BMPER: variants seen among roughly 807,000 people sequenced by gnomAD.
BMPER encodes BMP binding endothelial regulator.
Under a neutral mutation model 87.3 loss-of-function variants are expected in BMPER, and 45 were observed. The ratio of observed to expected loss-of-function variants is 0.52; its 90% CI spans 0.41 to 0.66. The LOEUF is 0.66. Ranked by LOEUF, BMPER falls within the 30% of genes least tolerant of loss-of-function variation. The pLI, the probability that BMPER is intolerant of heterozygous loss-of-function variation, is 0.00. For missense variants in BMPER, 784 were observed against 867.5 expected (o/e 0.90, Z 1.21); for synonymous variants, 326 against 316.2 (o/e 1.03, Z -0.33).
chr7:34,056,539 G>A lies in BMPER; in HGVS notation c.927+1236G>A, dbSNP rs148425263. On this transcript the variant is annotated intron_variant, in intron 9 of 14. Coordinates refer to ENST00000649409, the MANE Select transcript of BMPER (RefSeq NM_001365308.1). ...TCATATGTCCTCTTGATATAAAGTCGCCTCCTCCTCTGTCTCCAGAACACC... is the reference window on the plus strand; with the variant it reads ...TCATATGTCCTCTTGATATAAAGTCACCTCCTCCTCTGTCTCCAGAACACC... Among the ~76,000 whole-genome samples, 632 of 151,452 alleles carry A rather than the reference G, an allele frequency of 4.2e-3. 2 individuals are homozygous for A. Among genetic ancestry groups the A allele is most frequent in the African/African-American group, 0.015 (610 of 41,258 alleles).
At chr7:34,049,857 CA>C (rs1185255254) in intron 7 of BMPER, among the ~76,000 whole-genome samples, 3 of 152,174 alleles carry the variant, frequency 2.0e-5, no homozygotes, top group East Asian at 1.9e-4. Flanking sequence ...ATATTTAAAG[CA>C]GTGAAAAATG....
At chr7:33,994,367 G>A (rs1786335281) in intron 6 of BMPER, among the ~76,000 whole-genome samples, 1 of 152,202 alleles carries the variant, frequency 6.6e-6, no homozygotes, top group Admixed American at 6.5e-5. Context: ...TATTCGGGTG[G>A]GAGTGACCCG....
At chr7:34,133,885 T>A (rs1389710730) in intron 13 of BMPER, among the ~76,000 whole-genome samples, 1 of 152,212 alleles carries the variant, frequency 6.6e-6, no homozygotes, top group Non-Finnish European at 1.5e-5. Context: ...GTTTAGTTTT[T>A]CCTTTAGTGG....
intron 13 of BMPER, among the ~76,000 whole-genome samples, chr7:34,126,851 T>C (rs1562760270): frequency 2.0e-5 from 3 of 152,170 alleles, no homozygotes; most frequent in African/African-American, 7.2e-5. Context: ...AAAAAGTAGT[T>C]TAGAATTTCT....
At chr7:33,983,485 C>A (rs1330847307) in intron 6 of BMPER, among the ~76,000 whole-genome samples, 1 of 152,168 alleles carries the variant, frequency 6.6e-6, no homozygotes, top group Admixed American at 6.5e-5. Flanking sequence ...GTTATTATTA[C>A]TGAATGTGTA....
intron 13 of BMPER, among the ~76,000 whole-genome samples, chr7:34,116,890 T>C (rs1418599230): frequency 1.3e-5 from 2 of 151,886 alleles, no homozygotes; most frequent in Non-Finnish European, 2.9e-5. Context: ...CTTGGGAGGC[T>C]GAGGCAGGAG....
chr7:33,973,610 A>G (rs1490133585), intron 5 of BMPER, among the ~76,000 whole-genome samples: 1 of 152,228 alleles, frequency 6.6e-6, no homozygotes, highest in African/African-American at 2.4e-5. Flanking sequence ...CAGCTGCTCC[A>G]AGAGCTTGGT....
At chr7:34,037,048 G>A (rs542800742) in intron 6 of BMPER, among the ~76,000 whole-genome samples, 57 of 152,128 alleles carry the variant, frequency 3.7e-4, no homozygotes, top group African/African-American at 1.3e-3. Flanking sequence ...TTTTCAAATG[G>A]AGTTTAGTGG....
At chr7:33,913,888 G>A (rs540333879) in intron 2 of BMPER, among the ~76,000 whole-genome samples, 37 of 152,058 alleles carry the variant, frequency 2.4e-4, no homozygotes, top group Non-Finnish European at 4.9e-4. Flanking sequence ...ACACTGCTGC[G>A]TGATCCATTT....
chr7:34,047,514 T>A (rs1038482971), intron 7 of BMPER, among the ~76,000 whole-genome samples: 1 of 152,054 alleles, frequency 6.6e-6, no homozygotes, highest in African/African-American at 2.4e-5. Flanking sequence ...CCTGACCTTG[T>A]GATCCACCCA....
intron 13 of BMPER, among the ~76,000 whole-genome samples, chr7:34,113,835 A>G (rs1790044096): frequency 6.6e-6 from 1 of 152,116 alleles, no homozygotes; most frequent in Non-Finnish European, 1.5e-5. Context: ...CTCAACCACA[A>G]TACTGGTTTT....
At chr7:33,971,762 C>T (rs1164430169) in intron 5 of BMPER, among the ~76,000 whole-genome samples, 7 of 152,184 alleles carry the variant, frequency 4.6e-5, no homozygotes, top group Non-Finnish European at 1.0e-4. Flanking sequence ...ACTCGGGTCT[C>T]AGATCTCCCA....
At chr7:34,029,667 G>C (rs1562698438) in intron 6 of BMPER, among the ~76,000 whole-genome samples, 1 of 151,956 alleles carries the variant, frequency 6.6e-6, no homozygotes, top group Non-Finnish European at 1.5e-5. Context: ...ATTCTATAAG[G>C]GATCTATTTG....
At chr7:34,044,378 A>G (rs1255196494) in intron 6 of BMPER, among the ~76,000 whole-genome samples, 1 of 152,248 alleles carries the variant, frequency 6.6e-6, no homozygotes, top group African/African-American at 2.4e-5. Flanking sequence ...ATGAATGAAA[A>G]GAATGTATTC....
chr7:34,100,943 T>C (rs1032785318), intron 13 of BMPER, among the ~76,000 whole-genome samples: 8 of 152,154 alleles, frequency 5.3e-5, no homozygotes, highest in African/African-American at 1.9e-4. Flanking sequence ...TCCTTACTAT[T>C]CAAATCGCCA....
chr7:33,957,100 A>G (rs1159510723), intron 3 of BMPER, among the ~76,000 whole-genome samples: 5 of 152,178 alleles, frequency 3.3e-5, no homozygotes, highest in Admixed American at 6.5e-5. Context: ...CATTTATGCC[A>G]GTGAAACAAA....
At chr7:33,924,231 A>C (rs1784303228) in intron 2 of BMPER, among the ~76,000 whole-genome samples, 2 of 152,218 alleles carry the variant, frequency 1.3e-5, no homozygotes, top group South Asian at 4.1e-4. Context: ...AACTCTTGTC[A>C]GTATAGTCTT....
chr7:34,077,589 C>G (rs985597965), intron 11 of BMPER, among the ~76,000 whole-genome samples: 2 of 152,134 alleles, frequency 1.3e-5, no homozygotes, highest in Non-Finnish European at 2.9e-5. Context: ...TAATTTAGAA[C>G]AAGAAATTAA....
chr7:33,998,302 G>T (rs890897076), intron 6 of BMPER, among the ~76,000 whole-genome samples: 2 of 152,160 alleles, frequency 1.3e-5, no homozygotes, highest in African/African-American at 4.8e-5. Flanking sequence ...CTATCAAATT[G>T]TCTGTGCGTT....
Sources: allele counts gnomAD v4.1 joint callset (sites outside exome capture counted in the v4.1 genomes callset), GRCh38; gene constraint gnomAD v4.1.1; transcripts MANE v1.5; gene names NCBI Gene and HGNC (gene_info 2026-07-23, HGNC 2026-07-21).